Variants in CTNNA3 observed in about 807,000 individuals in gnomAD.
CTNNA3 encodes the protein catenin alpha-3.
In CTNNA3, 76 loss-of-function variants were observed where a neutral mutation model predicts 95.7. That is an observed-to-expected ratio of 0.79 (90% CI 0.66 to 0.96). The LOEUF is 0.96. Among genes scored for constraint, CTNNA3 ranks in the 40% least tolerant of loss-of-function variants. The probability of loss-of-function intolerance (pLI) is 0.00; values close to 1 mark genes in which losing one functional copy is unlikely to be tolerated. For missense variants in CTNNA3, 1,191 were observed against 1,089.8 expected (o/e 1.09, Z -1.31); for synonymous variants, 431 against 374.4 (o/e 1.15, Z -1.74).
At chr10:66,324,252 G>A (rs138220531) in intron 12 of CTNNA3, among the ~76,000 whole-genome samples, 4 of 152,076 alleles carry the variant, frequency 2.6e-5, no homozygotes, top group African/African-American at 4.8e-5. Flanking sequence ...CCCAGGAGGC[G>A]GAGATTCCAG....
intron 7 of CTNNA3, among the ~76,000 whole-genome samples, chr10:67,171,574 C>CAA (rs753134692): frequency 7.6e-6 from 1 of 132,138 alleles, no homozygotes. Context: ...AACTCTGTCT[C>CAA]AAAAAAAAAA....
chr10:66,242,094 CT>C (rs879292537), intron 13 of CTNNA3, among the ~76,000 whole-genome samples: 6 of 152,134 alleles, frequency 3.9e-5, no homozygotes, highest in Non-Finnish European at 8.8e-5. Context: ...CTCAGCCCCC[CT>C]GCCATGTGAT....
At chr10:66,028,524 T>C (rs895740522) in intron 15 of CTNNA3, among the ~76,000 whole-genome samples, 1 of 150,458 alleles carries the variant, frequency 6.6e-6, no homozygotes, top group Non-Finnish European at 1.5e-5. Flanking sequence ...ATGTTCTCAC[T>C]CATAGGTGGG....
intron 6 of CTNNA3, among the ~76,000 whole-genome samples, chr10:67,211,553 T>C (rs1029242685): frequency 6.6e-6 from 1 of 152,204 alleles, no homozygotes; most frequent in Admixed American, 6.5e-5. Context: ...AATTCATTGC[T>C]TTTTCAATAA....
intron 10 of CTNNA3, among the ~76,000 whole-genome samples, chr10:66,544,469 G>T (rs1172504126): frequency 1.3e-5 from 2 of 152,088 alleles, no homozygotes; most frequent in African/African-American, 4.8e-5. Context: ...TGAGGATATA[G>T]CCCAAAAACC....
At chr10:66,793,461 T>C (rs966336335) in intron 7 of CTNNA3, among the ~76,000 whole-genome samples, 5 of 152,118 alleles carry the variant, frequency 3.3e-5, no homozygotes, top group African/African-American at 1.2e-4. Flanking sequence ...ATTCCTACCA[T>C]GAAACTGGCT....
At chr10:66,494,050 GGCATGT>G (rs1840021559) in intron 11 of CTNNA3, among the ~76,000 whole-genome samples, 1 of 143,614 alleles carries the variant, frequency 7.0e-6, no homozygotes, top group African/African-American at 3.0e-5. Context: ...TAGGACTACA[GGCATGT>G]GCCACCATGC....
At chr10:66,300,758 C>T (rs532174232) in intron 12 of CTNNA3, among the ~76,000 whole-genome samples, 19 of 151,754 alleles carry the variant, frequency 1.3e-4, no homozygotes, top group Non-Finnish European at 2.5e-4. Flanking sequence ...ACCTAAGCTT[C>T]TACTTTAAGA....
intron 7 of CTNNA3, among the ~76,000 whole-genome samples, chr10:66,975,711 C>T (rs981722133): frequency 4.6e-5 from 7 of 152,128 alleles, no homozygotes; most frequent in Non-Finnish European, 1.0e-4. Flanking sequence ...AAGCTAAGTT[C>T]GTCCTATCTG....
intron 15 of CTNNA3, among the ~76,000 whole-genome samples, chr10:66,039,663 A>G (rs1316653882): frequency 3.9e-5 from 6 of 152,342 alleles, no homozygotes; most frequent in Non-Finnish European, 7.4e-5. Context: ...GTGCTGGGAT[A>G]ACTGGCTAGC....
Position 67,566,033 on chromosome 10 carries a change from A to G in CTNNA3, c.293-26364T>C, listed in dbSNP as rs28832327. Reference sequence around the variant, plus strand: ...CACACACAAACACACACACACACATATGTGTGTGTGTATATATATATATAT... The same window carrying G: ...CACACACAAACACACACACACACATGTGTGTGTGTGTATATATATATATAT... On this transcript the variant is annotated intron_variant, in intron 3 of 17. Transcript: ENST00000433211. Among the ~76,000 whole-genome samples, 280 of 59,848 alleles carry G rather than the reference A, an allele frequency of 4.7e-3. 10 individuals carry two copies. The highest frequency in any genetic ancestry group is 0.021 in the African/African-American group (221 of 10,292). The allele number at this position is 59,848 out of a possible 152,430, so 39.3% of individuals were successfully genotyped here.
At chr10:66,312,745 C>T (rs1209684554) in intron 12 of CTNNA3, among the ~76,000 whole-genome samples, 1 of 152,016 alleles carries the variant, frequency 6.6e-6, no homozygotes, top group African/African-American at 2.4e-5. Context: ...CAGGGTTTCA[C>T]CATATTGGCC....
chr10:66,489,869 G>A (rs1394509524), intron 11 of CTNNA3, among the ~76,000 whole-genome samples: 1 of 152,154 alleles, frequency 6.6e-6, no homozygotes, highest in East Asian at 1.9e-4. Context: ...GGTCCAACTT[G>A]TCCCAAAAAC....
intron 10 of CTNNA3, among the ~76,000 whole-genome samples, chr10:66,535,343 T>A (rs543705676): frequency 3.3e-5 from 5 of 152,142 alleles, no homozygotes; most frequent in Non-Finnish European, 7.4e-5. Context: ...TAACATGCCG[T>A]GTAAGAGATA....
chr10:66,573,292 T>C (rs991605747), intron 10 of CTNNA3, among the ~76,000 whole-genome samples: 2 of 152,132 alleles, frequency 1.3e-5, no homozygotes, highest in Admixed American at 1.3e-4. Context: ...ATTCTAATGA[T>C]ATGCATTATT....
intron 10 of CTNNA3, among the ~76,000 whole-genome samples, chr10:66,594,320 T>C (rs1333860157): frequency 6.6e-6 from 1 of 152,168 alleles, no homozygotes; most frequent in African/African-American, 2.4e-5. Context: ...TAGTCCACTA[T>C]GATTCTTTCC....
intron 15 of CTNNA3, among the ~76,000 whole-genome samples, chr10:66,025,317 C>T (rs1040323740): frequency 5.4e-4 from 82 of 152,168 alleles, no homozygotes; most frequent in Non-Finnish European, 2.9e-5. Context: ...GCTATTTCAG[C>T]AAAACCCAAT....
At chr10:67,037,598 T>C (rs1854142107) in intron 7 of CTNNA3, among the ~76,000 whole-genome samples, 1 of 152,058 alleles carries the variant, frequency 6.6e-6, no homozygotes, top group East Asian at 1.9e-4. Flanking sequence ...AGGAGATGAA[T>C]TAGAAAGCTG....
intron 5 of CTNNA3, among the ~76,000 whole-genome samples, chr10:67,361,664 A>G (rs1434560264): frequency 1.3e-5 from 2 of 152,300 alleles, no homozygotes; most frequent in East Asian, 3.9e-4. Flanking sequence ...GCCTACATCA[A>G]AAAGTCAGAA....
Sources: gnomAD v4.1 joint callset for allele counts (sites outside exome capture counted in the v4.1 genomes callset) on GRCh38, gnomAD v4.1.1 for gene constraint, MANE v1.5 for transcripts, NCBI Gene and HGNC (gene_info 2026-07-23, HGNC 2026-07-21) for gene names.